Variants in HIVEP3 observed in about 807,000 individuals in gnomAD.
HIVEP3 encodes HIVEP zinc finger 3, also known as transcription factor HIVEP3.
Under a neutral mutation model 152.8 loss-of-function variants are expected in HIVEP3, and 49 were observed. The ratio of observed to expected loss-of-function variants is 0.32; its 90% confidence interval spans 0.26 to 0.41. The LOEUF (loss-of-function observed/expected upper bound fraction) is 0.41, where lower values mean the gene tolerates loss of function less well. Among genes scored for constraint, HIVEP3 ranks in the 10% least tolerant of loss-of-function variants. The pLI is 1.00. For missense variants in HIVEP3, 2,790 were observed against 3,103.3 expected (o/e 0.90, Z 2.40); for synonymous variants, 1,269 against 1,289.0 (o/e 0.98, Z 0.33).
At chr1:42,014,993 G>A (rs2124531749) in intron 1 of HIVEP3, among the ~76,000 whole-genome samples, 1 of 152,236 alleles carries the variant, frequency 6.6e-6, no homozygotes, top group Non-Finnish European at 1.5e-5. Flanking sequence ...TGACTGTCAG[G>A]CCTGTTTTGG....
intron 2 of HIVEP3, among the ~76,000 whole-genome samples, chr1:41,632,146 T>C (rs532261231): frequency 6.6e-6 from 1 of 152,188 alleles, no homozygotes; most frequent in African/African-American, 2.4e-5. Context: ...CTAGATTGCA[T>C]ACAACTCAGG....
At chr1:41,738,393 A>G (rs1010286226) in intron 1 of HIVEP3, among the ~76,000 whole-genome samples, 1 of 152,188 alleles carries the variant, frequency 6.6e-6, no homozygotes, top group East Asian at 1.9e-4. Context: ...CAGACCATCA[A>G]TTCTACTTGG....
intron 1 of HIVEP3, among the ~76,000 whole-genome samples, chr1:41,715,694 C>T (rs1353168515): frequency 6.6e-6 from 1 of 152,226 alleles, no homozygotes; most frequent in Non-Finnish European, 1.5e-5. Flanking sequence ...ACCATGTGAC[C>T]TCAAGCCAGG....
At chr1:41,516,385 T>A (rs1642607468) in intron 7 of HIVEP3, among the ~76,000 whole-genome samples, 1 of 152,012 alleles carries the variant, frequency 6.6e-6, no homozygotes, top group Non-Finnish European at 1.5e-5. Context: ...CTCCTGCCGC[T>A]CCCCCCGGCA....
At chr1:41,532,493 A>G (rs1056936339) in intron 5 of HIVEP3, among the ~76,000 whole-genome samples, 3 of 152,152 alleles carry the variant, frequency 2.0e-5, no homozygotes, top group African/African-American at 7.2e-5. Context: ...TAAAAGCCTT[A>G]AAGAGAAATA....
chr1:41,642,618 C>A (rs1645392132), intron 2 of HIVEP3, among the ~76,000 whole-genome samples: 1 of 152,254 alleles, frequency 6.6e-6, no homozygotes, highest in Admixed American at 6.5e-5. Context: ...CACAGACAAA[C>A]CATCTGATCT....
At chr1:41,546,873 T>C (rs930780448) in intron 5 of HIVEP3, among the ~76,000 whole-genome samples, 3 of 152,230 alleles carry the variant, frequency 2.0e-5, no homozygotes, top group Non-Finnish European at 4.4e-5. Context: ...GTAGTGCCTT[T>C]CAGAGAAGCC....
intron 3 of HIVEP3, among the ~76,000 whole-genome samples, chr1:41,609,350 G>T (rs560304165): frequency 6.6e-6 from 1 of 152,388 alleles, no homozygotes; most frequent in East Asian, 1.9e-4. Context: ...GGTAGGAACA[G>T]CCAGCCCTGT....
At chr1:41,908,223 G>C (rs1351927613) in intron 1 of HIVEP3, among the ~76,000 whole-genome samples, 1 of 152,076 alleles carries the variant, frequency 6.6e-6, no homozygotes, top group East Asian at 1.9e-4. Context: ...TGTTAAAGTA[G>C]AATTGTCAAT....
Position 41,632,466 on chromosome 1 carries a change from C to T in HIVEP3, c.-720-3519G>A, listed in dbSNP as rs574659320. Among the ~76,000 whole-genome samples, 24 of 152,286 alleles carry T rather than the reference C, an allele frequency of 1.6e-4. No individual in the cohort carries two copies. In the South Asian group the frequency reaches 4.8e-3, roughly 30 times the overall value. ...ATGTAAGAAAAGACAGATCTCTTGA[C>T]CTCGTGATCCACCTGTCAAGGCCTC... On this transcript the variant is annotated intron_variant, in intron 2 of 8. Transcript: ENST00000372583.
chr1:42,003,161 C>T (rs1332050497), intron 1 of HIVEP3, among the ~76,000 whole-genome samples: 3 of 151,986 alleles, frequency 2.0e-5, no homozygotes, highest in African/African-American at 4.8e-5. Flanking sequence ...CTGTAACCTC[C>T]ACCTCCCAGG....
At chr1:41,919,576 TAG>T (rs1312799676), upstream of HIVEP3, among the ~76,000 whole-genome samples, 4 of 152,218 alleles carry the variant, frequency 2.6e-5, no homozygotes, top group African/African-American at 9.7e-5. Flanking sequence ...GAACCTTAGT[TAG>T]AGTCTTTACG....
rs553532643 is a variant in HIVEP3 at position 41,591,356 on chromosome 1, G to C, written c.-521-6038C>G. On this transcript the variant is annotated intron_variant, in intron 3 of 8. Transcript: ENST00000372583. ...GAGAGACCTGAGTTCCCCTAAACAG[G>C]GGAAGCATTGGTTCTTGAGTTGGGC... 7.9e-5 allele frequency among the ~76,000 whole-genome samples: 12 copies of C among 152,246 alleles called. 1 individual carries two copies. In the South Asian group the frequency reaches 2.5e-3, roughly 32 times the overall value.
intron 1 of HIVEP3, among the ~76,000 whole-genome samples, chr1:41,883,972 T>G (rs576243520): frequency 6.6e-6 from 1 of 152,344 alleles, no homozygotes; most frequent in South Asian, 2.1e-4. Flanking sequence ...CTTCACATAC[T>G]TTTCTTTTGA....
intron 5 of HIVEP3, among the ~76,000 whole-genome samples, chr1:41,526,349 C>A (rs1642908470): frequency 7.0e-6 from 1 of 142,920 alleles, no homozygotes; most frequent in Non-Finnish European, 1.5e-5. Flanking sequence ...TCACACCCCA[C>A]ACTCACCCTC....
intron 5 of HIVEP3, among the ~76,000 whole-genome samples, chr1:41,525,959 C>T (rs952393734): frequency 1.3e-5 from 2 of 151,800 alleles, no homozygotes; most frequent in African/African-American, 4.8e-5. Flanking sequence ...GGCGTGGCTT[C>T]TCAACCTGTG....
At chr1:41,835,439 T>A (rs1164851313) in intron 1 of HIVEP3, among the ~76,000 whole-genome samples, 2 of 152,196 alleles carry the variant, frequency 1.3e-5, no homozygotes, top group Non-Finnish European at 2.9e-5. Context: ...AGGACATCAA[T>A]CCTATTAGTG....
rs550512151 is a variant in HIVEP3, at chr1:41,673,691, A to G, written c.-721+27225T>C. Among the ~76,000 whole-genome samples, 274 of 152,230 alleles carry G rather than the reference A, an allele frequency of 1.8e-3. 4 individuals carry two copies. Among genetic ancestry groups the G allele is most frequent in the African/African-American group, 6.4e-3 (266 of 41,550 alleles). ...AGCTTGAAGGTTTATCTGGCAGGGT[A>G]TTTTTGAGGACTCCCTAAGTATGAA... On this transcript the variant is annotated intron_variant, in intron 2 of 8. Transcript: ENST00000372583.
In HIVEP3 at chr1:41,582,191, T is replaced by G. The variant is rs1230718403; in HGVS notation, c.2607A>C (p.Thr869=). The G allele has an allele frequency of 1.9e-6, 3 of 1,614,038 alleles. No homozygotes were observed. The change falls in exon 4 of 9, where the codon ACA becomes ACC. Residue 869 remains threonine (T), a synonymous_variant. Transcript: ENST00000372583. The surrounding 1 kb of genome is among the most constrained non-coding windows in gnomAD (Gnocchi z 4.7). The part of the protein sequence containing the change: ...LVTEEPDRPD[T]EPEPPPKEPE... The stretch of plus-strand genomic sequence containing the variant: ...GTTCCTTAGGGGGCGGCTCTGGCTC[T>G]GTGTCCGGCCGGTCAGGCTCCTCAG...
Sources: gnomAD v4.1 joint callset for allele counts (sites outside exome capture counted in the v4.1 genomes callset) on GRCh38, gnomAD v4.1.1 for gene constraint, Gnocchi (gnomAD v3.1) non-coding constraint, MANE v1.5 for transcripts, NCBI Gene and HGNC (gene_info 2026-07-23, HGNC 2026-07-21) for gene names.